The following PMS1 variants were observed in gnomAD, a reference collection of about 807,000 sequenced individuals.
PMS1 encodes the protein PMS1 protein homolog 1.
PMS1 carries 79 observed loss-of-function variants against 93.1 expected under a neutral mutation model. That is an observed-to-expected ratio of 0.85 (90% CI 0.71 to 1.02). The LOEUF is 1.02. PMS1 is among the 50% of genes least tolerant of loss of function. PMS1 has a pLI of 0.00. For missense variants in PMS1, 1,064 were observed against 1,085.3 expected (o/e 0.98, Z 0.28); for synonymous variants, 335 against 363.4 (o/e 0.92, Z 0.89).
chr2:189,860,150 T>C (rs1271184917), intron 9 of PMS1, among the ~76,000 whole-genome samples: 2 of 152,222 alleles, frequency 1.3e-5, no homozygotes, highest in Non-Finnish European at 2.9e-5. Context: ...TTTTCATACA[T>C]GTGTACACAC....
At chr2:189,804,542 T>A (rs1025845320) in intron 3 of PMS1, among the ~76,000 whole-genome samples, 2 of 152,174 alleles carry the variant, frequency 1.3e-5, no homozygotes, top group East Asian at 3.9e-4. Context: ...TCTAACGTCC[T>A]CTGCTGGTAC....
intron 5 of PMS1, among the ~76,000 whole-genome samples, chr2:189,821,760 G>A (rs2051910701): frequency 6.6e-6 from 1 of 152,078 alleles, no homozygotes; most frequent in South Asian, 2.1e-4. Context: ...AGTGAGCCGA[G>A]ATCGCACCAC....
intron 4 of PMS1, among the ~76,000 whole-genome samples, chr2:189,817,358 T>G (rs776105151): frequency 6.6e-6 from 1 of 152,262 alleles, no homozygotes; most frequent in Non-Finnish European, 1.5e-5. Flanking sequence ...CTTCAGTGTT[T>G]TAAAAATATG....
At chr2:189,876,278 G>A (rs1336677180) in intron 12 of PMS1, among the ~76,000 whole-genome samples, 1 of 152,090 alleles carries the variant, frequency 6.6e-6, no homozygotes, top group Non-Finnish European at 1.5e-5. Flanking sequence ...GAAAATAAGA[G>A]CTGTAGGTAC....
chr2:189,820,407 TC>T (rs1233998052), intron 5 of PMS1, among the ~76,000 whole-genome samples: 3 of 152,160 alleles, frequency 2.0e-5, no homozygotes, highest in African/African-American at 7.2e-5. Flanking sequence ...AGCAATCCCT[TC>T]CACCTCAGCC....
intron 1 of PMS1, among the ~76,000 whole-genome samples, chr2:189,787,559 A>G (rs2048471620): frequency 6.6e-6 from 1 of 152,032 alleles, no homozygotes; most frequent in Admixed American, 6.6e-5. Context: ...TTTTGAATAT[A>G]TTAGATTATC....
chr2:189,819,659 G>T (rs1470012949), intron 5 of PMS1, among the ~76,000 whole-genome samples: 1 of 152,056 alleles, frequency 6.6e-6, no homozygotes, highest in Non-Finnish European at 1.5e-5. Context: ...TCATATGCTT[G>T]CTGGCCTTTT....
chr2:189,857,705 A>G (rs1221259210), intron 9 of PMS1, among the ~76,000 whole-genome samples: 1 of 152,062 alleles, frequency 6.6e-6, no homozygotes, highest in African/African-American at 2.4e-5. Context: ...TCACAGATAA[A>G]ACATACTTTC....
intron 10 of PMS1, among the ~76,000 whole-genome samples, chr2:189,866,364 AT>A (rs1451516914): frequency 1.3e-5 from 2 of 152,200 alleles, no homozygotes; most frequent in Admixed American, 6.5e-5. Flanking sequence ...TGAAAAAAAA[AT>A]CTTTCTTAAT....
chr2:189,789,048 A>G (rs1458463604), intron 1 of PMS1, among the ~76,000 whole-genome samples: 1 of 152,198 alleles, frequency 6.6e-6, no homozygotes, highest in Non-Finnish European at 1.5e-5. Context: ...AAAAACAACT[A>G]TTGAAAGGTA....
intron 4 of PMS1, among the ~76,000 whole-genome samples, chr2:189,809,923 T>G (rs933627351): frequency 6.6e-6 from 1 of 152,240 alleles, no homozygotes; most frequent in Non-Finnish European, 1.5e-5. Flanking sequence ...TATAATGTGG[T>G]CTTAGATACA....
Position 189,818,032 on chromosome 2 carries a change from C to G in PMS1, c.434C>G (p.Ala145Gly), listed in dbSNP as rs766604209. Residue 145 changes from alanine to glycine, a missense_variant, in exon 5 of 13, where the codon GCT (alanine) becomes GGT (glycine). Transcript: ENST00000441310. ...CTGCCAACAGGTACAACTGTAACTG[C>G]TTTAAGATTATTTAAGAATCTACCT... ...SHLGQGTTVT[A>G]LRLFKNLPVR... 2.5e-6 allele frequency: 4 copies of G among 1,609,596 alleles called. No homozygotes were observed. The South Asian group carries it at 4.4e-5, about 18-fold the overall frequency.
At chr2:189,856,155 T>C (rs74704448) in intron 9 of PMS1, among the ~76,000 whole-genome samples, 1 of 129,912 alleles carries the variant, frequency 7.7e-6, no homozygotes, top group East Asian at 2.2e-4. Flanking sequence ...TTTTGTCATC[T>C]TTTTTTTTTT....
At chr2:189,846,931 G>A (rs1291588540) in intron 6 of PMS1, among the ~76,000 whole-genome samples, 3 of 148,286 alleles carry the variant, frequency 2.0e-5, no homozygotes, top group Non-Finnish European at 4.4e-5. Flanking sequence ...GTGCAATCTC[G>A]GCTCACTGAA....
At chr2:189,873,103 A>C (rs2057290446) in intron 11 of PMS1, among the ~76,000 whole-genome samples, 2 of 152,228 alleles carry the variant, frequency 1.3e-5, no homozygotes, top group Non-Finnish European at 2.9e-5. Context: ...TCACAGAAAT[A>C]ATTCAGGCGT....
chr2:189,846,309 T>C (rs540929259), intron 6 of PMS1, among the ~76,000 whole-genome samples: 5 of 152,032 alleles, frequency 3.3e-5, no homozygotes, highest in African/African-American at 1.2e-4. Flanking sequence ...ATCAGGAGTT[T>C]GAGAGCAGCC....
chr2:189,860,249 A>G (rs1442322862), intron 9 of PMS1, among the ~76,000 whole-genome samples: 4 of 152,188 alleles, frequency 2.6e-5, no homozygotes, highest in Non-Finnish European at 4.4e-5. Context: ...CTCCACAGGC[A>G]GCCACTCTTT....
intron 3 of PMS1, among the ~76,000 whole-genome samples, chr2:189,802,932 G>A (rs2050020117): frequency 6.6e-6 from 1 of 152,184 alleles, no homozygotes; most frequent in Admixed American, 6.5e-5. Flanking sequence ...AAGGAGAAAA[G>A]CCAGGGCCAA....
intron 3 of PMS1, among the ~76,000 whole-genome samples, chr2:189,798,298 A>T (rs2049542828): frequency 6.6e-6 from 1 of 152,210 alleles, no homozygotes; most frequent in African/African-American, 2.4e-5. Context: ...TGGCTGTGTA[A>T]CATGTCTTAA....
Sources: allele counts gnomAD v4.1 joint callset (sites outside exome capture counted in the v4.1 genomes callset), GRCh38; gene constraint gnomAD v4.1.1; transcripts MANE v1.5; gene names NCBI Gene and HGNC (gene_info 2026-07-23, HGNC 2026-07-21).